The following SLC25A36 variants were observed in gnomAD, a reference collection of about 807,000 sequenced individuals.
SLC25A36 encodes solute carrier family 25 member 36, also known as epididymis secretory sperm binding protein.
Under a neutral mutation model 35.3 loss-of-function variants are expected in SLC25A36, and 24 were observed. The ratio of observed to expected loss-of-function variants is 0.68; its 90% CI spans 0.49 to 0.96. The LOEUF (loss-of-function observed/expected upper bound fraction) is 0.96. Ranked by LOEUF, SLC25A36 falls within the 40% of genes least tolerant of loss-of-function variation. The probability of loss-of-function intolerance (pLI) is 0.00; values close to 1 mark genes in which losing one functional copy is unlikely to be tolerated. For synonymous variants in SLC25A36, 141 were observed against 132.2 expected (o/e 1.07, Z -0.46); for missense variants, 294 against 381.1 (o/e 0.77, Z 1.90).
chr3:140,976,236 T>G (rs1464344711), intron 6 of SLC25A36, 24 bp from the exon 7 acceptor site: 3 of 1,471,608 alleles, frequency 2.0e-6, no homozygotes, highest in South Asian at 2.5e-5. Context: ...CAGTAATGTT[T>G]AATTTTATTT....
chr3:140,955,695 A>G (rs549453585), intron 1 of SLC25A36, among the ~76,000 whole-genome samples: 7 of 151,582 alleles, frequency 4.6e-5, no homozygotes, highest in Non-Finnish European at 7.4e-5. Context: ...TCAAATGCCA[A>G]TTTTTTTTCT....
chr3:140,975,097 C>CTTTTTTTTTTTTTTTTTTTTTTTTTTTT lies in SLC25A36; in HGVS notation c.742+1095_742+1122dup, dbSNP rs10662120. 9.1e-5 allele frequency among the ~76,000 whole-genome samples: 5 copies of CTTTTTTTTTTTTTTTTTTTTTTTTTTTT among 55,188 alleles called. 2 individuals are homozygous for CTTTTTTTTTTTTTTTTTTTTTTTTTTTT. Among genetic ancestry groups the CTTTTTTTTTTTTTTTTTTTTTTTTTTTT allele is most frequent in the Admixed American group, 5.5e-4 (2 of 3,612 alleles). 36.2% of individuals were successfully genotyped at this position (55,188 alleles called of 152,430 possible). ...GTACAGTTGATAAACAAGATACATT[C>CTTTTTTTTTTTTTTTTTTTTTTTTTTTT]TTTTTTTTTTTTTTTTTTTTTTTTT... On this transcript the variant is annotated intron_variant, in intron 6 of 6. Transcript: ENST00000324194.
chr3:140,955,055 A>G (rs1190004301), intron 1 of SLC25A36, among the ~76,000 whole-genome samples: 1 of 151,984 alleles, frequency 6.6e-6, no homozygotes, highest in Non-Finnish European at 1.5e-5. Context: ...TTTATTTTAC[A>G]TATAATGTTC....
At chr3:140,955,547 A>C (rs1031329174) in intron 1 of SLC25A36, among the ~76,000 whole-genome samples, 1 of 152,196 alleles carries the variant, frequency 6.6e-6, no homozygotes, top group Non-Finnish European at 1.5e-5. Flanking sequence ...TACCTTTTAA[A>C]CAGTTCAATG....
intron 4 of SLC25A36, 28 bp from the exon 5 acceptor site, chr3:140,970,898 CA>C (rs1296178763): frequency 9.5e-7 from 1 of 1,054,496 alleles, no homozygotes. Context: ...TCATTTTTAC[CA>C]GAGTTCATTT....
In SLC25A36 at chr3:140,976,632, A is replaced by T; in HGVS notation, c.*179A>T. The T allele has an allele frequency of 9.0e-6, 2 of 221,922 alleles. No homozygotes were observed. The highest frequency in any genetic ancestry group is 1.4e-5 in the Non-Finnish European group (2 of 141,724). 13.7% of individuals were successfully genotyped at this position (221,922 alleles called of 1,614,324 possible). ...CACCACATTACTTGGCCTTTCGGTA[A>T]TGTGAAAAAAAAAAAAAACCTCAGA... On this transcript the variant is annotated 3_prime_UTR_variant, in exon 7 of 7. Coordinates refer to ENST00000324194, the MANE Select transcript of SLC25A36 (RefSeq NM_001104647.3).
chr3:140,954,160 G>A lies in SLC25A36; in HGVS notation c.42-2367G>A, dbSNP rs138725695. Reference sequence around the variant, plus strand: ...TAACGAGGGGGATAATTTTTTTAACGTCAAAAATAAAAGCCTTTTGTGCTT... The same window carrying A: ...TAACGAGGGGGATAATTTTTTTAACATCAAAAATAAAAGCCTTTTGTGCTT... On this transcript the variant is annotated intron_variant, in intron 1 of 6. Transcript: ENST00000324194. 7.5e-3 allele frequency among the ~76,000 whole-genome samples: 1,139 copies of A among 152,134 alleles called. 12 individuals are homozygous for A. Among genetic ancestry groups the A allele is most frequent in the African/African-American group, 0.027 (1,101 of 41,504 alleles).
chr3:140,968,462 T>G, intron 4 of SLC25A36: 6 of 983,708 alleles, frequency 6.1e-6, no homozygotes, highest in Non-Finnish European at 7.2e-6. Context: ...CTCACTTACC[T>G]AAATTTTAAT....
chr3:140,943,287 T>G (rs1934069332), intron 1 of SLC25A36, among the ~76,000 whole-genome samples: 1 of 152,220 alleles, frequency 6.6e-6, no homozygotes, highest in South Asian at 2.1e-4. Flanking sequence ...CACGGTGCCT[T>G]GCTTTGAGTT....
chr3:140,956,506 CTTT>C lies in SLC25A36; in HGVS notation c.42-5_42-3del, dbSNP rs75174363. 5,755 of 1,409,584 alleles carry C rather than the reference CTTT, an allele frequency of 4.1e-3. No homozygotes were observed. The highest frequency in any genetic ancestry group is 0.013 in the South Asian group (823 of 62,662). The allele number at this position is 1,409,584 out of a possible 1,614,324, so 87.3% of individuals were successfully genotyped here. ...ATGAATTAAGTAGATAAGCTGTGTT[CTTT>C]TTTTTTTTTTTTTTTAGATGTGGTG... On this transcript the variant is annotated intron_variant, in intron 1 of 6. Coordinates refer to ENST00000324194, the MANE Select transcript of SLC25A36 (RefSeq NM_001104647.3).
chr3:140,966,061 C>T (rs1465043508), intron 4 of SLC25A36: 1 of 151,976 alleles, frequency 6.6e-6, no homozygotes, highest in Admixed American at 6.6e-5. Flanking sequence ...CAGTTATTCT[C>T]AATTTTTAAA....
At chr3:140,958,158 T>G (rs1039238149) in intron 2 of SLC25A36, among the ~76,000 whole-genome samples, 1 of 152,228 alleles carries the variant, frequency 6.6e-6, no homozygotes, top group Non-Finnish European at 1.5e-5. Flanking sequence ...AGTTCAGGCC[T>G]TAAATTAACC....
chr3:140,956,512 T>C lies in SLC25A36; in HGVS notation c.42-15T>C. 2.0e-6 allele frequency: 3 copies of C among 1,484,010 alleles called. No individual in the cohort carries two copies. The highest frequency in any genetic ancestry group is 1.8e-6 in the Non-Finnish European group (2 of 1,120,838). 91.9% of individuals were successfully genotyped at this position (1,484,010 alleles called of 1,614,324 possible). ...TAAGTAGATAAGCTGTGTTCTTTTT[T>C]TTTTTTTTTTTTAGATGTGGTGGTA... On this transcript the variant is annotated splice_polypyrimidine_tract_variant and intron_variant, in intron 1 of 6. Coordinates refer to ENST00000324194, the MANE Select transcript of SLC25A36 (RefSeq NM_001104647.3).
Position 140,976,448 on chromosome 3 carries a change from G to T in SLC25A36, c.931G>T (p.Gly311Ter). 6.2e-7 allele frequency: 1 copy of T among 1,610,418 alleles called. No homozygotes were observed. The highest frequency in any genetic ancestry group is 8.5e-7 in the Non-Finnish European group (1 of 1,178,728). ...TGAATTGGTGGTTTACCTACTCAAT[G>T]GATAGCAGCACGAGGACTGCTGTAC... ...TYELVVYLLN[G>*] The change falls in exon 7 of 7, where the codon GGA becomes TGA. Residue 311 changes from glycine (G) to a stop codon, truncating the protein, a stop_gained. Transcript: ENST00000324194. LOFTEE classifies it high-confidence loss of function.
At position 140,970,933 on chromosome 3, in the gene SLC25A36, C is replaced by T. The variant is rs1934883696; in HGVS notation, c.392C>T (p.Thr131Ile). 1.4e-6 allele frequency: 2 copies of T among 1,466,570 alleles called. No homozygotes were observed. 90.8% of individuals were successfully genotyped at this position (1,466,570 alleles called of 1,614,324 possible). ...HMISAAMAGF[T>I]AITATNPIWL... The stretch of plus-strand genomic sequence containing the variant: ...TTTAAACATGTTTGTTTAGGTTTTA[C>T]TGCAATCACAGCAACCAACCCCATT... The change falls in exon 5 of 7, where the codon ACT becomes ATT. Residue 131 changes from threonine (T) to isoleucine (I), a missense_variant. Thr to Ile is a moderately conservative substitution (Grantham distance 89). This residue lies in a region of SLC25A36 where 185 missense variants were observed against 201.5 expected (regional missense o/e 0.92). Coordinates refer to ENST00000324194, the MANE Select transcript of SLC25A36 (RefSeq NM_001104647.3).
chr3:140,953,030 T>C (rs927312854), intron 1 of SLC25A36, among the ~76,000 whole-genome samples: 10 of 152,324 alleles, frequency 6.6e-5, no homozygotes, highest in Admixed American at 4.6e-4. Context: ...AATTGAATTA[T>C]GGTTTGCCAT....
rs1576474466 is a variant in SLC25A36 at position 140,944,620 on chromosome 3, G to C, written c.41+2525G>C. ...TCAGCTGCATATATCTACAGAGGCA[G>C]CTCATTTTTTTTCTATTTGAGGGAG... On this transcript the variant is annotated intron_variant, in intron 1 of 6. Transcript: ENST00000324194. Among the ~76,000 whole-genome samples, 6 of 152,302 alleles carry C rather than the reference G, an allele frequency of 3.9e-5. 1 individual carries two copies. The highest frequency in any genetic ancestry group is 3.9e-4 in the Admixed American group (6 of 15,300).
intron 2 of SLC25A36, among the ~76,000 whole-genome samples, chr3:140,959,247 C>G (rs1934568242): frequency 6.6e-6 from 1 of 151,884 alleles, no homozygotes; most frequent in Non-Finnish European, 1.5e-5. Flanking sequence ...AACTTCTGAC[C>G]TCAAGGAATC....
intron 1 of SLC25A36, among the ~76,000 whole-genome samples, chr3:140,952,402 C>T (rs970765300): frequency 6.6e-6 from 1 of 152,134 alleles, no homozygotes; most frequent in African/African-American, 2.4e-5. Context: ...GTTACCACCT[C>T]AGCCTCTGAA....
Sources: allele counts gnomAD v4.1 joint callset (sites outside exome capture counted in the v4.1 genomes callset), GRCh38; gene constraint gnomAD v4.1.1; regional missense constraint gnomAD v4.1.1; transcripts MANE v1.5; gene names NCBI Gene and HGNC (gene_info 2026-07-23, HGNC 2026-07-21).